The following KCNT2 variants were observed in gnomAD, a reference collection of about 807,000 sequenced individuals.
KCNT2 encodes the protein potassium sodium-activated channel subfamily T member 2.
Under a neutral mutation model 153.8 loss-of-function variants are expected in KCNT2, and 67 were observed. That is an observed-to-expected ratio of 0.44 (90% confidence interval 0.36 to 0.53). The LOEUF (loss-of-function observed/expected upper bound fraction) is 0.53. Among genes scored for constraint, KCNT2 ranks in the 20% least tolerant of loss-of-function variants. The pLI is 0.00. For synonymous variants in KCNT2, 500 were observed against 458.8 expected, an observed-to-expected ratio of 1.09 and a Z score of -1.15; for missense variants, 975 against 1,354.8, an observed-to-expected ratio of 0.72 and a Z score of 4.40.
chr1:196,285,776 A>C lies in KCNT2; in HGVS notation c.2596-18T>G. On this transcript the variant is annotated intron_variant, in intron 22 of 27. Coordinates refer to ENST00000294725, the MANE Select transcript of KCNT2 (RefSeq NM_198503.5). ...CGTTCTTTCTGTTCAGAAATTTGAGATAGAAAAATTTGTGAGCATTCCACA... is the reference window on the plus strand; with the variant it reads ...CGTTCTTTCTGTTCAGAAATTTGAGCTAGAAAAATTTGTGAGCATTCCACA... 1 of 1,503,106 alleles carries C rather than the reference A, an allele frequency of 6.7e-7. No individual in the cohort carries two copies. Among genetic ancestry groups the C allele is most frequent in the Admixed American group, 1.7e-5 (1 of 59,370 alleles). The allele number at this position is 1,503,106 out of a possible 1,614,324, so 93.1% of individuals were successfully genotyped here.
intron 1 of KCNT2, among the ~76,000 whole-genome samples, chr1:196,492,611 A>T (rs1679944072): frequency 6.6e-6 from 1 of 152,136 alleles, no homozygotes; most frequent in Non-Finnish European, 1.5e-5. Flanking sequence ...AGTCAATTCA[A>T]TTATTTGTAT....
chr1:196,327,012 T>C, intron 18 of KCNT2, 123 bp from the exon 19 acceptor site: 2 of 599,696 alleles, frequency 3.3e-6, no homozygotes, highest in South Asian at 2.4e-5. Flanking sequence ...TTCTAATAAA[T>C]TTGAAAATAG....
At chr1:196,370,981 T>C (rs1199652783) in intron 14 of KCNT2, among the ~76,000 whole-genome samples, 2 of 152,094 alleles carry the variant, frequency 1.3e-5, no homozygotes, top group Non-Finnish European at 1.5e-5. Context: ...TCTACCATTA[T>C]GCAATGCACC....
At chr1:196,443,242 T>C (rs1675397830) in intron 8 of KCNT2, among the ~76,000 whole-genome samples, 1 of 151,560 alleles carries the variant, frequency 6.6e-6, no homozygotes, top group Non-Finnish European at 1.5e-5. Context: ...TAAGAGGAAA[T>C]GGAACAAAAA....
chr1:196,591,524 G>T (rs765633517), intron 1 of KCNT2, among the ~76,000 whole-genome samples: 1 of 151,934 alleles, frequency 6.6e-6, no homozygotes, highest in Admixed American at 6.6e-5. Flanking sequence ...AAGAAGTTTT[G>T]CATTCTGAAG....
At chr1:196,433,920 A>G (rs1178640302) in intron 8 of KCNT2, among the ~76,000 whole-genome samples, 2 of 152,068 alleles carry the variant, frequency 1.3e-5, no homozygotes, top group Non-Finnish European at 2.9e-5. Context: ...GATACATGTC[A>G]TCATTATAAT....
chr1:196,540,048 G>A (rs564996821), intron 1 of KCNT2, among the ~76,000 whole-genome samples: 1 of 152,024 alleles, frequency 6.6e-6, no homozygotes, highest in Non-Finnish European at 1.5e-5. Context: ...AAAATGCGTT[G>A]CCTTAGTTGA....
At chr1:196,466,651 G>A (rs1046658463) in intron 7 of KCNT2, among the ~76,000 whole-genome samples, 2 of 151,952 alleles carry the variant, frequency 1.3e-5, no homozygotes, top group Non-Finnish European at 2.9e-5. Context: ...TTGTATATAT[G>A]TATGTATATA....
chr1:196,581,489 T>G (rs369916923), intron 1 of KCNT2, among the ~76,000 whole-genome samples: 1 of 151,938 alleles, frequency 6.6e-6, no homozygotes, highest in Non-Finnish European at 1.5e-5. Flanking sequence ...TGCCACCGGG[T>G]GAATATTGCC....
chr1:196,237,281 C>T (rs181705012), intron 26 of KCNT2, among the ~76,000 whole-genome samples: 19 of 151,770 alleles, frequency 1.3e-4, no homozygotes, highest in Admixed American at 3.3e-4. Flanking sequence ...ACACTATTTT[C>T]GGCTATGGTA....
chr1:196,275,454 A>G (rs1658476761), intron 25 of KCNT2, among the ~76,000 whole-genome samples: 1 of 151,720 alleles, frequency 6.6e-6, no homozygotes, highest in Non-Finnish European at 1.5e-5. Flanking sequence ...ATCACACCAG[A>G]AAAAAATGAG....
intron 26 of KCNT2, among the ~76,000 whole-genome samples, chr1:196,255,012 C>T (rs971245879): frequency 6.6e-6 from 1 of 151,462 alleles, no homozygotes; most frequent in African/African-American, 2.4e-5. Context: ...CAGCTAGTAC[C>T]TATTATCAGC....
intron 1 of KCNT2, among the ~76,000 whole-genome samples, chr1:196,535,410 C>T (rs1328852857): frequency 6.6e-6 from 1 of 152,136 alleles, no homozygotes; most frequent in African/African-American, 2.4e-5. Flanking sequence ...AGCCAAGATG[C>T]CTGGATCTGC....
intron 8 of KCNT2, among the ~76,000 whole-genome samples, chr1:196,461,582 G>A (rs1420635299): frequency 6.6e-6 from 1 of 151,724 alleles, no homozygotes; most frequent in Admixed American, 6.6e-5. Context: ...CTTATTATTG[G>A]TTAGAATATG....
chr1:196,456,822 C>A (rs976817974), intron 8 of KCNT2, among the ~76,000 whole-genome samples: 1 of 151,838 alleles, frequency 6.6e-6, no homozygotes, highest in Non-Finnish European at 1.5e-5. Flanking sequence ...ATGACACAGG[C>A]ATATCAGAAA....
At chr1:196,337,541 T>G (rs1426652189) in intron 16 of KCNT2, among the ~76,000 whole-genome samples, 1 of 152,094 alleles carries the variant, frequency 6.6e-6, no homozygotes, top group Non-Finnish European at 1.5e-5. Flanking sequence ...TTCTACCTGT[T>G]CGTCCTCATC....
chr1:196,291,048 TAGTA>T (rs1660141819), intron 22 of KCNT2, among the ~76,000 whole-genome samples: 1 of 152,250 alleles, frequency 6.6e-6, no homozygotes, highest in African/African-American at 2.4e-5. Context: ...AGCAGACTAT[TAGTA>T]AGTCAGATGA....
chr1:196,306,942 C>T (rs1000483258), intron 21 of KCNT2, among the ~76,000 whole-genome samples: 5 of 151,832 alleles, frequency 3.3e-5, no homozygotes, highest in Non-Finnish European at 7.4e-5. Flanking sequence ...CTAAACAATC[C>T]TAGTTCTTAA....
chr1:196,607,485 T>C (rs1163925005), intron 1 of KCNT2, among the ~76,000 whole-genome samples: 2 of 152,218 alleles, frequency 1.3e-5, no homozygotes, highest in East Asian at 3.8e-4. Flanking sequence ...AATATTCTAG[T>C]TTTGAAACTT....
Sources: allele counts gnomAD v4.1 joint callset (sites outside exome capture counted in the v4.1 genomes callset), GRCh38; gene constraint gnomAD v4.1.1; transcripts MANE v1.5; gene names NCBI Gene and HGNC (gene_info 2026-07-23, HGNC 2026-07-21).